The following CPED1 variants were observed in gnomAD, a reference collection of about 807,000 sequenced individuals.
The protein encoded by CPED1 is cadherin like and PC-esterase domain containing 1, also known as cadherin-like and PC-esterase domain-containing protein 1.
CPED1 carries 114 observed loss-of-function variants against 128.2 expected under a neutral mutation model. The observed-to-expected ratio is 0.89, with a 90% CI of 0.76 to 1.04. The LOEUF (loss-of-function observed/expected upper bound fraction) is 1.04, where lower values mean the gene tolerates loss of function less well. Ranked by LOEUF, CPED1 falls within the 50% of genes least tolerant of loss-of-function variation. The probability of loss-of-function intolerance (pLI) is 0.00; values close to 1 mark genes in which losing one functional copy is unlikely to be tolerated. For missense variants in CPED1, 1,211 were observed against 1,207.1 expected (o/e 1.00, Z -0.05); for synonymous variants, 462 against 426.7 (o/e 1.08, Z -1.02).
chr7:121,194,998 G>GATGTTAAT (rs1223285421), intron 16 of CPED1: 1 of 152,104 alleles, frequency 6.6e-6, no homozygotes, highest in East Asian at 1.9e-4. Context: ...TTACACAGGG[G>GATGTTAAT]CCATGTTAAT....
chr7:121,069,189 G>C (rs1203983522), intron 5 of CPED1, among the ~76,000 whole-genome samples: 1 of 152,130 alleles, frequency 6.6e-6, no homozygotes, highest in Non-Finnish European at 1.5e-5. Context: ...ATTAAAGATA[G>C]ATAGAGCAGT....
At chr7:121,168,088 G>A (rs1422440904) in intron 16 of CPED1, among the ~76,000 whole-genome samples, 1 of 152,146 alleles carries the variant, frequency 6.6e-6, no homozygotes, top group East Asian at 1.9e-4. Context: ...TGAGGTCCTT[G>A]TTGGGCGCAG....
chr7:121,080,028 C>T (rs181098335), intron 5 of CPED1, among the ~76,000 whole-genome samples: 11 of 152,290 alleles, frequency 7.2e-5, no homozygotes, highest in Non-Finnish European at 1.3e-4. Context: ...CGTTTACTCA[C>T]GTAGATGGTA....
chr7:121,037,868 A>G (rs966804452), intron 3 of CPED1, among the ~76,000 whole-genome samples: 3 of 152,016 alleles, frequency 2.0e-5, no homozygotes, highest in Non-Finnish European at 4.4e-5. Context: ...GATTAGGTAT[A>G]TCCCTGAGTA....
At chr7:120,999,658 G>A (rs1791772551) in intron 2 of CPED1, among the ~76,000 whole-genome samples, 1 of 152,146 alleles carries the variant, frequency 6.6e-6, no homozygotes, top group Non-Finnish European at 1.5e-5. Context: ...GCTCTCAAGA[G>A]ATGTTATCAA....
At chr7:121,251,926 C>G (rs1260958323) in intron 18 of CPED1, among the ~76,000 whole-genome samples, 1 of 151,832 alleles carries the variant, frequency 6.6e-6, no homozygotes, top group African/African-American at 2.4e-5. Flanking sequence ...CCCCATCAAG[C>G]TACCAATGAC....
intron 4 of CPED1, among the ~76,000 whole-genome samples, chr7:121,060,743 AAG>A (rs1323135559): frequency 6.6e-6 from 1 of 152,180 alleles, no homozygotes; most frequent in Non-Finnish European, 1.5e-5. Flanking sequence ...GGGGCCAGAT[AAG>A]AGAATAAAAG....
chr7:121,072,663 G>A (rs1342628069), intron 5 of CPED1, among the ~76,000 whole-genome samples: 1 of 152,036 alleles, frequency 6.6e-6, no homozygotes, highest in East Asian at 1.9e-4. Context: ...ATTAGACAGT[G>A]GGAAATAGAG....
intron 16 of CPED1, among the ~76,000 whole-genome samples, chr7:121,225,343 A>G (rs189200371): frequency 2.0e-5 from 3 of 152,078 alleles, no homozygotes; most frequent in African/African-American, 7.2e-5. Flanking sequence ...CGAGAGATCC[A>G]CTGTTAGTCT....
At chr7:121,104,430 C>A (rs1794922127) in intron 7 of CPED1, among the ~76,000 whole-genome samples, 1 of 152,140 alleles carries the variant, frequency 6.6e-6, no homozygotes, top group Non-Finnish European at 1.5e-5. Flanking sequence ...GTCATCCCTT[C>A]ATCCGTTGTA....
At chr7:121,140,590 A>G (rs1795878454) in intron 14 of CPED1, among the ~76,000 whole-genome samples, 1 of 152,040 alleles carries the variant, frequency 6.6e-6, no homozygotes, top group Non-Finnish European at 1.5e-5. Flanking sequence ...AATACCATCT[A>G]TATAACGCCG....
chr7:121,011,217 A>C (rs192333325), intron 2 of CPED1, among the ~76,000 whole-genome samples: 1 of 152,278 alleles, frequency 6.6e-6, no homozygotes, highest in East Asian at 1.9e-4. Context: ...GTGAAAAAAA[A>C]AACAAGTTTT....
intron 7 of CPED1, among the ~76,000 whole-genome samples, chr7:121,114,735 A>G (rs1795194359): frequency 1.3e-5 from 2 of 152,244 alleles, no homozygotes; most frequent in Non-Finnish European, 2.9e-5. Flanking sequence ...GGCCTTGGCC[A>G]TATGTCAAAA....
chr7:121,159,042 G>A (rs755595782), intron 16 of CPED1, among the ~76,000 whole-genome samples: 3 of 151,966 alleles, frequency 2.0e-5, no homozygotes, highest in African/African-American at 4.8e-5. Context: ...AATATATTTC[G>A]TTACTGAAAC....
At chr7:121,204,680 A>G (rs1002136275) in intron 16 of CPED1, among the ~76,000 whole-genome samples, 10 of 152,150 alleles carry the variant, frequency 6.6e-5, no homozygotes, top group Admixed American at 1.3e-4. Context: ...TGGATACAAT[A>G]CTAGTTAAGA....
intron 5 of CPED1, among the ~76,000 whole-genome samples, chr7:121,081,317 G>A (rs1794288607): frequency 6.6e-6 from 1 of 152,136 alleles, no homozygotes. Context: ...TGGTTAGAAA[G>A]GAACATGTCT....
chr7:121,109,306 C>G (rs145030563), intron 7 of CPED1, among the ~76,000 whole-genome samples: 1 of 152,266 alleles, frequency 6.6e-6, no homozygotes, highest in South Asian at 2.1e-4. Flanking sequence ...CGGTCATTCT[C>G]TCATTGCGTC....
At chr7:121,013,817 T>G (rs543837935) in intron 2 of CPED1, among the ~76,000 whole-genome samples, 1 of 152,352 alleles carries the variant, frequency 6.6e-6, no homozygotes, top group Admixed American at 6.5e-5. Flanking sequence ...ATTTACAATC[T>G]AACCCTGTTT....
At chr7:121,040,649 A>T (rs1793026386) in intron 3 of CPED1, among the ~76,000 whole-genome samples, 1 of 152,068 alleles carries the variant, frequency 6.6e-6, no homozygotes, top group African/African-American at 2.4e-5. Context: ...TAGGGATTTT[A>T]TAATTTAGTT....
Sources: gnomAD v4.1 joint callset for allele counts (sites outside exome capture counted in the v4.1 genomes callset) on GRCh38, gnomAD v4.1.1 for gene constraint, MANE v1.5 for transcripts, NCBI Gene and HGNC (gene_info 2026-07-23, HGNC 2026-07-21) for gene names.